Variants in LMLN observed in about 807,000 individuals in gnomAD.
LMLN encodes the protein leishmanolysin like peptidase, also known as leishmanolysin-like peptidase.
Under a neutral mutation model 92.3 loss-of-function variants are expected in LMLN, and 70 were observed. The ratio of observed to expected loss-of-function variants is 0.76; its 90% CI spans 0.63 to 0.92. LMLN has a LOEUF of 0.92. Ranked by LOEUF, LMLN falls within the 40% of genes least tolerant of loss-of-function variation. The pLI, the probability that LMLN is intolerant of heterozygous loss-of-function variation, is 0.00. For synonymous variants in LMLN, 308 were observed against 296.2 expected, an observed-to-expected ratio of 1.04 and a Z score of -0.41; for missense variants, 691 against 814.6, an observed-to-expected ratio of 0.85 and a Z score of 1.85.
At chr3:197,973,731 T>C (rs1296120858) in intron 1 of LMLN, among the ~76,000 whole-genome samples, 1 of 152,256 alleles carries the variant, frequency 6.6e-6, no homozygotes, top group African/African-American at 2.4e-5. Context: ...CTACAAAATA[T>C]AGAATTCTGT....
intron 9 of LMLN, among the ~76,000 whole-genome samples, chr3:197,990,902 GCCT>G (rs1560141863): frequency 6.6e-6 from 1 of 152,142 alleles, no homozygotes; most frequent in East Asian, 1.9e-4. Flanking sequence ...TTAGGCCAGT[GCCT>G]CCTCTGTTGT....
chr3:197,984,884 C>A (rs2109872712), intron 7 of LMLN, among the ~76,000 whole-genome samples: 1 of 152,046 alleles, frequency 6.6e-6, no homozygotes, highest in Non-Finnish European at 1.5e-5. Flanking sequence ...GCCATGTTGC[C>A]CAGGCAGGTC....
exon 16 of LMLN, chr3:198,041,601 T>C (rs568399749): frequency 6.6e-6 from 1 of 152,366 alleles, no homozygotes; most frequent in African/African-American, 2.4e-5. Flanking sequence ...CAGTAAGTGA[T>C]GCTCAACCTG....
intron 8 of LMLN, among the ~76,000 whole-genome samples, chr3:197,986,488 G>A (rs550410205): frequency 8.5e-5 from 13 of 152,186 alleles, no homozygotes; most frequent in Admixed American, 2.6e-4. Flanking sequence ...CAGTAAAAAC[G>A]AAGATAATAG....
chr3:198,021,570 G>A (rs745382429), exon 13 of LMLN: 5 of 1,613,974 alleles, frequency 3.1e-6, no homozygotes, highest in African/African-American at 1.3e-5. Context: ...GAATATCAGC[G>A]CAGCTCAGAT....
intron 1 of LMLN, among the ~76,000 whole-genome samples, chr3:197,962,515 T>G (rs1720931958): frequency 2.0e-5 from 3 of 152,208 alleles, no homozygotes; most frequent in Admixed American, 2.0e-4. Flanking sequence ...AATTACTGGG[T>G]CAAGGGTAGG....
rs548859862 is a variant in LMLN at position 198,042,322 on chromosome 3, T to G, written c.*3655T>G. The G allele has an allele frequency of 6.6e-6, 1 of 151,912 alleles. No individual in the cohort carries two copies. The highest frequency in any genetic ancestry group is 1.5e-5 in the Non-Finnish European group (1 of 67,992). 9.4% of individuals were successfully genotyped at this position (151,912 alleles called of 1,614,324 possible). On this transcript the variant is annotated 3_prime_UTR_variant, in exon 16 of 16. Transcript: ENST00000330198. The surrounding 1 kb of genome is among the most constrained non-coding windows in gnomAD (Gnocchi z 4.2). ...GCAAGCAGATCACGAGATCAGGAGT[T>G]TGAGGTTACAGTGAGCTGATCGCAC... is the stretch of plus-strand genomic sequence containing the variant.
At chr3:197,975,323 A>G (rs1355797139) in intron 3 of LMLN, among the ~76,000 whole-genome samples, 2 of 151,820 alleles carry the variant, frequency 1.3e-5, no homozygotes, top group African/African-American at 4.8e-5. Flanking sequence ...TTGCTTTCTC[A>G]AGTTTTTGGG....
intron 1 of LMLN, among the ~76,000 whole-genome samples, chr3:197,967,225 C>T (rs951376820): frequency 6.6e-6 from 1 of 152,158 alleles, no homozygotes; most frequent in Non-Finnish European, 1.5e-5. Flanking sequence ...CTAATAATAA[C>T]TTCAGGTTTA....
At chr3:198,037,686 G>A (rs1262566196) in intron 15 of LMLN, among the ~76,000 whole-genome samples, 20 of 152,104 alleles carry the variant, frequency 1.3e-4, no homozygotes, top group Admixed American at 1.3e-3. Context: ...ATATTTAAAA[G>A]GGCAACTCAT....
intron 11 of LMLN, chr3:198,003,061 C>T (rs1344211193): frequency 5.2e-6 from 8 of 1,551,234 alleles, no homozygotes; most frequent in African/African-American, 1.4e-5. Flanking sequence ...AGACTGGGGC[C>T]GAGGAATGGG....
intron 11 of LMLN, among the ~76,000 whole-genome samples, chr3:198,008,528 C>T (rs1334217938): frequency 1.3e-5 from 2 of 152,158 alleles, no homozygotes; most frequent in East Asian, 3.9e-4. Flanking sequence ...GAGTTCAAGA[C>T]TAGCCTGGAC....
chr3:197,992,127 T>C (rs1721892616), intron 9 of LMLN, among the ~76,000 whole-genome samples: 1 of 151,328 alleles, frequency 6.6e-6, no homozygotes, highest in South Asian at 2.1e-4. Context: ...AATTTCTTCC[T>C]CCCCTCATCT....
At chr3:198,022,263 A>T in intron 13 of LMLN, among the ~76,000 whole-genome samples, 1 of 152,238 alleles carries the variant, frequency 6.6e-6, no homozygotes, top group East Asian at 1.9e-4. Flanking sequence ...AATGAACAAG[A>T]TATCAAAGGA....
chr3:197,994,772 T>C (rs1721971452), intron 9 of LMLN: 1 of 152,130 alleles, frequency 6.6e-6, no homozygotes, highest in Non-Finnish European at 1.5e-5. Flanking sequence ...TAGTATAAAT[T>C]AGTACAGCCA....
intron 14 of LMLN, among the ~76,000 whole-genome samples, chr3:198,028,082 C>T (rs1432255801): frequency 6.6e-6 from 1 of 152,178 alleles, no homozygotes; most frequent in Admixed American, 6.5e-5. Context: ...CTGCTCCACA[C>T]ACTCGTGGCC....
chr3:198,036,507 G>A (rs977422988), intron 15 of LMLN, among the ~76,000 whole-genome samples: 5 of 152,124 alleles, frequency 3.3e-5, no homozygotes, highest in Admixed American at 1.3e-4. Flanking sequence ...ACACACATGC[G>A]AAATGAGACA....
At chr3:198,026,680 C>T (rs1213969885) in intron 14 of LMLN, among the ~76,000 whole-genome samples, 1 of 152,204 alleles carries the variant, frequency 6.6e-6, no homozygotes, top group Non-Finnish European at 1.5e-5. Context: ...GTGGAATTAA[C>T]CGTTTCTCCA....
intron 11 of LMLN, among the ~76,000 whole-genome samples, chr3:198,003,526 C>T (rs1206412990): frequency 6.6e-6 from 1 of 152,078 alleles, no homozygotes. Flanking sequence ...AATCCAGATG[C>T]ATATTATAAT....
Sources: allele counts gnomAD v4.1 joint callset (sites outside exome capture counted in the v4.1 genomes callset), GRCh38; gene constraint gnomAD v4.1.1; non-coding constraint Gnocchi (gnomAD v3.1); transcripts MANE v1.5; gene names NCBI Gene and HGNC (gene_info 2026-07-23, HGNC 2026-07-21).